DYRK2: variants seen among roughly 807,000 people sequenced by gnomAD.
DYRK2 encodes the protein dual specificity tyrosine phosphorylation regulated kinase 2.
Under a neutral mutation model 41.6 loss-of-function variants are expected in DYRK2, and 12 were observed. The ratio of observed to expected loss-of-function variants is 0.29; its 90% CI spans 0.18 to 0.47. The LOEUF is 0.47. Ranked by LOEUF, DYRK2 falls within the 20% of genes least tolerant of loss-of-function variation. The probability of loss-of-function intolerance (pLI) is 1.00; values close to 1 mark genes in which losing one functional copy is unlikely to be tolerated. For synonymous variants in DYRK2, 322 were observed against 315.7 expected (o/e 1.02, Z -0.21); for missense variants, 678 against 798.4 (o/e 0.85, Z 1.82).
chr12:67,653,766 T>C (rs1380376119), intron 2 of DYRK2, among the ~76,000 whole-genome samples: 1 of 152,210 alleles, frequency 6.6e-6, no homozygotes, highest in African/African-American at 2.4e-5. Flanking sequence ...CCCAAAGATA[T>C]TTATTGAGGG....
Position 67,658,612 on chromosome 12 carries a change from C to CCTT in DYRK2, c.1708_1710dup (p.Ser572dup). On this transcript the variant is annotated inframe_insertion, in exon 3 of 3. Coordinates refer to ENST00000344096, the MANE Select transcript of DYRK2 (RefSeq NM_006482.3). This position sits in a 1 kb window ranked among gnomAD's most constrained non-coding sequence, Gnocchi z 4.3. ...CACATCTATATCCAAGTTACCTCCA[C>CCTT]CTTCTAGCTCAGCTTCCAAACTGAG... The CCTT allele has an allele frequency of 6.2e-7, 1 of 1,614,174 alleles. No homozygotes were observed. Among genetic ancestry groups the CCTT allele is most frequent in the South Asian group, 1.1e-5 (1 of 91,076 alleles).
rs1365093497 is a variant in DYRK2, at chr12:67,657,795, C to T, written c.888C>T (p.His296=). 3.1e-6 allele frequency: 5 copies of T among 1,614,252 alleles called. No homozygotes were observed. Among genetic ancestry groups the T allele is most frequent in the East Asian group, 2.2e-5 (1 of 44,880 alleles). Residue 296 remains histidine (H), a synonymous_variant, in exon 3 of 3, where the codon CAC becomes CAT. Coordinates refer to ENST00000344096, the MANE Select transcript of DYRK2 (RefSeq NM_006482.3). The surrounding 1 kb of genome is among the most constrained non-coding windows in gnomAD (Gnocchi z 4.8). The part of the protein sequence containing the change: ...HMLENFTFRN[H]ICMTFELLSM... ...TGGAGAATTTCACCTTCCGCAACCACATCTGCATGACGTTTGAGCTGCTGA... is the reference window on the plus strand; with the variant it reads ...TGGAGAATTTCACCTTCCGCAACCATATCTGCATGACGTTTGAGCTGCTGA...
Position 67,660,404 on chromosome 12 carries a change from G to A in DYRK2, c.*1691G>A, listed in dbSNP as rs1344926619. On this transcript the variant is annotated 3_prime_UTR_variant, in exon 3 of 3. Transcript: ENST00000344096. ...AAAAAAACACTTTAATTTAGGCTTC[G>A]TTGGTTGATGGTGGAAAAAAATGCT... 1.8e-5 allele frequency: 3 copies of A among 166,330 alleles called. No individual in the cohort carries two copies. The highest frequency in any genetic ancestry group is 4.2e-4 in the South Asian group (2 of 4,814). The allele number at this position is 166,330 out of a possible 1,614,324, so 10.3% of individuals were successfully genotyped here.
chr12:67,658,164 C>A lies in DYRK2; in HGVS notation c.1257C>A (p.Tyr419Ter). ...TTTTAGCAGAGCTCCTGACGGGTTA[C>A]CCCCTCTTGCCTGGGGAAGATGAAG... is the stretch of plus-strand genomic sequence containing the variant. ...GCILAELLTG[Y>*]PLLPGEDEGD... The change falls in exon 3 of 3, where the codon TAC becomes TAA. Residue 419 changes from tyrosine to a stop codon, truncating the protein, a stop_gained. Transcript: ENST00000344096. LOFTEE classifies it high-confidence loss of function. This position sits in a 1 kb window ranked among gnomAD's most constrained non-coding sequence, Gnocchi z 4.3. 1 of 1,614,178 alleles carries A rather than the reference C, an allele frequency of 6.2e-7. No homozygotes were observed. The highest frequency in any genetic ancestry group is 1.3e-5 in the African/African-American group (1 of 75,064).
rs911326635 is a variant in DYRK2, at chr12:67,648,985, G to A, written c.-149G>A. On this transcript the variant is annotated 5_prime_UTR_variant, in exon 1 of 3. Coordinates refer to ENST00000344096, the MANE Select transcript of DYRK2 (RefSeq NM_006482.3). Reference sequence around the variant, plus strand: ...CGAGGGGATGCAGTGGACTGTGTGTGTCTGGCTGTAGCAGACGCGAGGCGG... The same window carrying A: ...CGAGGGGATGCAGTGGACTGTGTGTATCTGGCTGTAGCAGACGCGAGGCGG... 3 of 561,920 alleles carry A rather than the reference G, an allele frequency of 5.3e-6. No individual in the cohort carries two copies. The highest frequency in any genetic ancestry group is 4.7e-5 in the Admixed American group (1 of 21,218). 34.8% of individuals were successfully genotyped at this position (561,920 alleles called of 1,614,324 possible). A position where few individuals can be genotyped will look rare whatever the true frequency, so the allele number is the denominator to read the frequency against.
chr12:67,649,830 A>G lies in DYRK2; in HGVS notation c.83A>G (p.Gln28Arg), dbSNP rs749747547. Residue 28 changes from glutamine to arginine, a missense_variant, in exon 2 of 3, where the codon CAG (glutamine) becomes CGG (arginine). Physicochemically the swap from Gln to Arg is conservative, Grantham distance 43. Transcript: ENST00000344096. ...RGGDSAVRQL[Q>R]ASPGLGAGAT... ...GGGGACAGCGCCGTTCGTCAGCTTC[A>G]GGCTTCCCCGGGGCTCGGTGCAGGG... The G allele has an allele frequency of 7.5e-7, 1 of 1,328,800 alleles. No individual in the cohort carries two copies. The highest frequency in any genetic ancestry group is 9.7e-7 in the Non-Finnish European group (1 of 1,033,404). The allele number at this position is 1,328,800 out of a possible 1,614,324, so 82.3% of individuals were successfully genotyped here.
chr12:67,650,065 C>A, intron 2 of DYRK2, 120 bp downstream of exon 2: 1 of 1,067,676 alleles, frequency 9.4e-7, no homozygotes, highest in Non-Finnish European at 1.2e-6. Context: ...AGCAGCCCCA[C>A]GCCTCGGGCC....
At position 67,662,035 on chromosome 12, in the gene DYRK2, A is replaced by G. The variant is rs1028383254; in HGVS notation, c.*3322A>G. The G allele has an allele frequency of 6.0e-6, 1 of 166,500 alleles. No homozygotes were observed. The highest frequency in any genetic ancestry group is 2.4e-5 in the African/African-American group (1 of 41,572). 10.3% of individuals were successfully genotyped at this position (166,500 alleles called of 1,614,324 possible). On this transcript the variant is annotated 3_prime_UTR_variant, in exon 3 of 3. Transcript: ENST00000344096. The stretch of plus-strand genomic sequence containing the variant: ...GTTTGGGGTCGTGTTAAATGACTCC[A>G]TCAGAATGTTAGAAAACACTTTAGG...
Position 67,649,885 on chromosome 12 carries a change from G to A in DYRK2, c.138G>A (p.Pro46=). 7.2e-7 allele frequency: 1 copy of A among 1,379,798 alleles called. No homozygotes were observed. The highest frequency in any genetic ancestry group is 9.3e-7 in the Non-Finnish European group (1 of 1,070,664). 85.5% of individuals were successfully genotyped at this position (1,379,798 alleles called of 1,614,324 possible). ...CCCGGAGCGGAGTGGGGACTGGCCC[G>A]CCCTCCCCCATCGCCCTGCCGCCTC... The part of the protein sequence containing the change: ...GATRSGVGTG[P]PSPIALPPLR... The change falls in exon 2 of 3, where the codon CCG becomes CCA. Residue 46 remains proline (P), a synonymous_variant. Transcript: ENST00000344096.
chr12:67,657,016 T>G lies in DYRK2; in HGVS notation c.199-90T>G. ...CAAATGGGATTTTGTAAATGTGAGG[T>G]TGGGGGCGGTGGTGTTGTTGGGGGT... On this transcript the variant is annotated intron_variant, in intron 2 of 2. Coordinates refer to ENST00000344096, the MANE Select transcript of DYRK2 (RefSeq NM_006482.3). The surrounding 1 kb of genome is among the most constrained non-coding windows in gnomAD (Gnocchi z 4.8). The G allele has an allele frequency of 1.5e-6, 2 of 1,318,236 alleles. No homozygotes were observed. The highest frequency in any genetic ancestry group is 1.0e-6 in the Non-Finnish European group (1 of 990,242). The allele number at this position is 1,318,236 out of a possible 1,614,324, so 81.7% of individuals were successfully genotyped here.
chr12:67,662,601 T>A lies in DYRK2; in HGVS notation c.*3888T>A, dbSNP rs541951274. The A allele has an allele frequency of 1.8e-5, 3 of 166,938 alleles. No homozygotes were observed. The highest frequency in any genetic ancestry group is 7.2e-5 in the African/African-American group (3 of 41,578). 10.3% of individuals were successfully genotyped at this position (166,938 alleles called of 1,614,324 possible). On this transcript the variant is annotated 3_prime_UTR_variant, in exon 3 of 3. Coordinates refer to ENST00000344096, the MANE Select transcript of DYRK2 (RefSeq NM_006482.3). ...CAGGAGTAAGACTGTTTAGTGAATATCTGTTAAATTTTATTGTTGTGGCCA... is the reference window on the plus strand; with the variant it reads ...CAGGAGTAAGACTGTTTAGTGAATAACTGTTAAATTTTATTGTTGTGGCCA...
rs1175160975 is a variant in DYRK2, at chr12:67,658,031, A to T, written c.1124A>T (p.Glu375Val). ...ATTGATTTTGGCTCCAGTTGTTACGAGCATCAGCGTGTCTACACGTACATC... is the reference window on the plus strand; with the variant it reads ...ATTGATTTTGGCTCCAGTTGTTACGTGCATCAGCGTGTCTACACGTACATC... ...KVIDFGSSCY[E>V]HQRVYTYIQS... Residue 375 changes from glutamate (E) to valine (V), a missense_variant, in exon 3 of 3, where the codon GAG (glutamate) becomes GTG (valine). This residue lies in a region of DYRK2 where 393 missense variants were observed against 519.1 expected (regional missense o/e 0.76). Coordinates refer to ENST00000344096, the MANE Select transcript of DYRK2 (RefSeq NM_006482.3). The surrounding 1 kb of genome is among the most constrained non-coding windows in gnomAD (Gnocchi z 4.3). 2 of 1,614,250 alleles carry T rather than the reference A, an allele frequency of 1.2e-6. No individual in the cohort carries two copies. Among genetic ancestry groups the T allele is most frequent in the East Asian group, 4.5e-5 (2 of 44,880 alleles).
In DYRK2 at chr12:67,662,741, G is replaced by A. The variant is rs993135151; in HGVS notation, c.*4028G>A. 6.3e-6 allele frequency: 1 copy of A among 158,504 alleles called. No homozygotes were observed. The highest frequency in any genetic ancestry group is 1.5e-5 in the Non-Finnish European group (1 of 68,030). The allele number at this position is 158,504 out of a possible 1,614,324, so 9.8% of individuals were successfully genotyped here. On this transcript the variant is annotated 3_prime_UTR_variant, in exon 3 of 3. Coordinates refer to ENST00000344096, the MANE Select transcript of DYRK2 (RefSeq NM_006482.3). Reference sequence around the variant, plus strand: ...ATCCTTTGTCAATTAGCCTGGAGAGGGTTTAGAATGCAAAATGGATAGCTC... The same window carrying A: ...ATCCTTTGTCAATTAGCCTGGAGAGAGTTTAGAATGCAAAATGGATAGCTC...
Position 67,657,200 on chromosome 12 carries a change from G to C in DYRK2, c.293G>C (p.Ser98Thr). 1 of 1,613,928 alleles carries C rather than the reference G, an allele frequency of 6.2e-7. No individual in the cohort carries two copies. The highest frequency in any genetic ancestry group is 1.3e-5 in the African/African-American group (1 of 75,054). The stretch of plus-strand genomic sequence containing the variant: ...GTTCAACAGTTGTTTGAGGATAACA[G>C]TAACAAGCGGACAGTGCTCACGACA... ...IQVQQLFEDN[S>T]NKRTVLTTQP... Residue 98 changes from serine to threonine, a missense_variant, in exon 3 of 3, where the codon AGT becomes ACT. By Grantham distance (58) the Ser-to-Thr change is moderately conservative. Coordinates refer to ENST00000344096, the MANE Select transcript of DYRK2 (RefSeq NM_006482.3). This position sits in a 1 kb window ranked among gnomAD's most constrained non-coding sequence, Gnocchi z 4.8.
intron 2 of DYRK2, among the ~76,000 whole-genome samples, chr12:67,654,271 G>C (rs1201054872): frequency 6.6e-6 from 1 of 152,226 alleles, no homozygotes; most frequent in Non-Finnish European, 1.5e-5. Flanking sequence ...AGAGAAGAGT[G>C]ACAGTAGTTG....
chr12:67,648,938 GC>G lies in DYRK2; in HGVS notation c.-195del. ...ACGGCGGCGAGGAGGAGAGCGGGGG[GC>G]TCGCGGCGGCGGGCCCCGGCCGAGG... On this transcript the variant is annotated 5_prime_UTR_variant, in exon 1 of 3. An upstream open reading frame in the 5' UTR gains an earlier in-frame stop. Transcript: ENST00000344096. The G allele has an allele frequency of 2.6e-6, 1 of 384,848 alleles. No individual in the cohort carries two copies. Among genetic ancestry groups the G allele is most frequent in the Non-Finnish European group, 4.6e-6 (1 of 217,570 alleles). 23.8% of individuals were successfully genotyped at this position (384,848 alleles called of 1,614,324 possible).
chr12:67,649,353 C>T (rs1872236017), intron 1 of DYRK2, among the ~76,000 whole-genome samples, 171 bp downstream of exon 1: 1 of 151,434 alleles, frequency 6.6e-6, no homozygotes, highest in Non-Finnish European at 1.5e-5. Flanking sequence ...TTGTGCGCGG[C>T]CCCGAAGGCC....
chr12:67,659,682 A>G lies in DYRK2; in HGVS notation c.*969A>G, dbSNP rs1359209633. 1.8e-5 allele frequency: 3 copies of G among 167,004 alleles called. No homozygotes were observed. In the East Asian group the frequency reaches 5.8e-4, roughly 32 times the overall value. 10.3% of individuals were successfully genotyped at this position (167,004 alleles called of 1,614,324 possible). On this transcript the variant is annotated 3_prime_UTR_variant, in exon 3 of 3. Transcript: ENST00000344096. ...AGCAGCCTAGCTACTTAAGGTGGGGATTTCCATAGTTCCAAAGAAGATTTA... is the reference window on the plus strand; with the variant it reads ...AGCAGCCTAGCTACTTAAGGTGGGGGTTTCCATAGTTCCAAAGAAGATTTA...
In DYRK2 at chr12:67,660,972, T is replaced by A. The variant is rs1418697261; in HGVS notation, c.*2259T>A. The A allele has an allele frequency of 6.0e-6, 1 of 167,070 alleles. No homozygotes were observed. Among genetic ancestry groups the A allele is most frequent in the Non-Finnish European group, 1.5e-5 (1 of 68,122 alleles). The allele number at this position is 167,070 out of a possible 1,614,324, so 10.3% of individuals were successfully genotyped here. A position where few individuals can be genotyped will look rare whatever the true frequency, so the allele number is the denominator to read the frequency against. ...CATTTATAAATGGACTAATACTGCT[T>A]GTCTTTCCCCCACCGCACAAAACTG... On this transcript the variant is annotated 3_prime_UTR_variant, in exon 3 of 3. Transcript: ENST00000344096.
Sources: allele counts gnomAD v4.1 joint callset (sites outside exome capture counted in the v4.1 genomes callset), GRCh38; gene constraint gnomAD v4.1.1; regional missense constraint gnomAD v4.1.1; non-coding constraint Gnocchi (gnomAD v3.1); transcripts MANE v1.5; gene names NCBI Gene and HGNC (gene_info 2026-07-23, HGNC 2026-07-21).